DYNC2H1: variants seen among roughly 807,000 people sequenced by gnomAD.
The protein encoded by DYNC2H1 is dynein cytoplasmic 2 heavy chain 1.
A neutral mutation model predicts 570.0 loss-of-function variants in DYNC2H1; 410 were observed. That is an observed-to-expected ratio of 0.72 (90% CI 0.66 to 0.78). The LOEUF is 0.78. Among genes scored for constraint, DYNC2H1 ranks in the 30% least tolerant of loss-of-function variants. The pLI is 0.00. For synonymous variants in DYNC2H1, 1,688 were observed against 1,677.6 expected, an observed-to-expected ratio of 1.01 and a Z score of -0.15; for missense variants, 4,865 against 5,046.4, an observed-to-expected ratio of 0.96 and a Z score of 1.09.
intron 85 of DYNC2H1, among the ~76,000 whole-genome samples, chr11:103,451,324 CTTTTTTTTTTTTTT>C (rs34032894): frequency 9.9e-5 from 7 of 71,008 alleles, no homozygotes; most frequent in African/African-American, 4.0e-4. Context: ...AGTAAAAGGG[CTTTTTTTTTTTTTT>C]TTTTTTTTTT....
At chr11:103,263,314 C>T (rs543840657) in intron 70 of DYNC2H1, among the ~76,000 whole-genome samples, 1 of 152,180 alleles carries the variant, frequency 6.6e-6, no homozygotes, top group Non-Finnish European at 1.5e-5. Context: ...AGAAAATTAA[C>T]AAGGGTATTC....
At chr11:103,142,350 C>T (rs901767304) in intron 17 of DYNC2H1, among the ~76,000 whole-genome samples, 12 of 152,126 alleles carry the variant, frequency 7.9e-5, no homozygotes, top group East Asian at 1.9e-4. Flanking sequence ...TGGCCATCTT[C>T]GCTTTTTATT....
At chr11:103,200,747 T>C (rs1245400712) in intron 50 of DYNC2H1, among the ~76,000 whole-genome samples, 1 of 152,242 alleles carries the variant, frequency 6.6e-6, no homozygotes, top group African/African-American at 2.4e-5. Flanking sequence ...TTGCATTCAT[T>C]AACCTGGAAA....
Position 103,334,059 on chromosome 11 carries a change from A to G in DYNC2H1, c.12039+10069A>G, listed in dbSNP as rs1324899707. On this transcript the variant is annotated intron_variant, in intron 82 of 88. Transcript: ENST00000375735. This position sits in a 1 kb window ranked among gnomAD's most constrained non-coding sequence, Gnocchi z 4.3. Reference sequence around the variant, plus strand: ...AACACTTGCAGCATGTTGCCTGGAAAGAAATGGTGTAAAATTTGTTATTTT... The same window carrying G: ...AACACTTGCAGCATGTTGCCTGGAAGGAAATGGTGTAAAATTTGTTATTTT... Among the ~76,000 whole-genome samples the G allele has an allele frequency of 6.6e-6, 1 of 152,224 alleles. No homozygotes were observed. The highest frequency in any genetic ancestry group is 1.9e-4 in the East Asian group (1 of 5,206).
intron 59 of DYNC2H1, among the ~76,000 whole-genome samples, chr11:103,230,009 C>T (rs1224004890): frequency 2.0e-5 from 3 of 152,100 alleles, no homozygotes; most frequent in African/African-American, 4.8e-5. Context: ...TTAAACTCCA[C>T]CCAAACTAAC....
intron 83 of DYNC2H1, among the ~76,000 whole-genome samples, chr11:103,364,596 G>C (rs1166555545): frequency 7.1e-6 from 1 of 140,358 alleles, no homozygotes; most frequent in Non-Finnish European, 1.5e-5. Flanking sequence ...TTTAAATCTT[G>C]TTGTTTTTTT....
Position 103,205,055 on chromosome 11 carries a change from A to G in DYNC2H1, c.8454+91A>G, listed in dbSNP as rs1055905654. The G allele has an allele frequency of 3.5e-5, 41 of 1,178,090 alleles. No individual in the cohort carries two copies. The highest frequency in any genetic ancestry group is 4.6e-5 in the Non-Finnish European group (39 of 848,108). The allele number at this position is 1,178,090 out of a possible 1,614,324, so 73.0% of individuals were successfully genotyped here. On this transcript the variant is annotated intron_variant, in intron 52 of 88. Coordinates refer to ENST00000375735, the MANE Select transcript of DYNC2H1 (RefSeq NM_001377.3). This position sits in a 1 kb window ranked among gnomAD's most constrained non-coding sequence, Gnocchi z 4.5. ...ACTTCTCTTTGGTGTTGGTTATAAC[A>G]TCACCTTAATTATGGCACCAAACAT...
At chr11:103,435,117 G>C (rs1349249305) in intron 84 of DYNC2H1, among the ~76,000 whole-genome samples, 2 of 151,968 alleles carry the variant, frequency 1.3e-5, no homozygotes, top group Admixed American at 1.3e-4. Context: ...TAAAGTAAAG[G>C]GATTCGATGT....
intron 17 of DYNC2H1, among the ~76,000 whole-genome samples, chr11:103,143,052 T>G (rs1860042197): frequency 6.6e-6 from 1 of 152,224 alleles, no homozygotes; most frequent in African/African-American, 2.4e-5. Flanking sequence ...TTATATAATT[T>G]TCTTTAAAAG....
intron 84 of DYNC2H1, among the ~76,000 whole-genome samples, chr11:103,434,284 G>A (rs1943988682): frequency 1.3e-5 from 2 of 151,956 alleles, no homozygotes; most frequent in African/African-American, 4.8e-5. Flanking sequence ...CACTCCATTA[G>A]ACAAAAACCA....
chr11:103,441,718 T>G (rs1944274822), intron 85 of DYNC2H1, among the ~76,000 whole-genome samples: 2 of 152,204 alleles, frequency 1.3e-5, no homozygotes, highest in Non-Finnish European at 2.9e-5. Context: ...TTGAGATTTT[T>G]GGCTTCTATC....
At chr11:103,164,405 T>C (rs1861216315) in intron 30 of DYNC2H1, among the ~76,000 whole-genome samples, 1 of 152,218 alleles carries the variant, frequency 6.6e-6, no homozygotes, top group East Asian at 1.9e-4. Flanking sequence ...CATTTAATGC[T>C]AAGAAATATT....
Position 103,370,104 on chromosome 11 carries a change from C to T in DYNC2H1, c.12156+11745C>T, listed in dbSNP as rs1275818889. The stretch of plus-strand genomic sequence containing the variant: ...GAGCCCACTGCCCTGAAGGGTGAGT[C>T]CCAGGTCAGGCAGCATTCACTACAA... On this transcript the variant is annotated intron_variant, in intron 83 of 88. Coordinates refer to ENST00000375735, the MANE Select transcript of DYNC2H1 (RefSeq NM_001377.3). 2.0e-5 allele frequency among the ~76,000 whole-genome samples: 3 copies of T among 152,212 alleles called. No homozygotes were observed. The South Asian group carries it at 6.2e-4, about 32-fold the overall frequency.
rs754299271 is a variant in DYNC2H1 at position 103,304,673 on chromosome 11, T to C, written c.11335T>C (p.Leu3779=). The C allele has an allele frequency of 1.4e-5, 22 of 1,613,416 alleles. No homozygotes were observed. The highest frequency in any genetic ancestry group is 1.9e-5 in the Non-Finnish European group (22 of 1,179,518). ...TGCCCGCAATGGAGACTGGCTCTGTTTGAAGAACTTACATCTTGTGGTATC... is the reference window on the plus strand; with the variant it reads ...TGCCCGCAATGGAGACTGGCTCTGTCTGAAGAACTTACATCTTGTGGTATC... ...ECARNGDWLC[L]KNLHLVVSWL... Residue 3779 remains leucine (L), a synonymous_variant, in exon 77 of 89, where the codon TTG becomes CTG. Transcript: ENST00000375735.
chr11:103,184,798 G>T (rs1364942300), intron 40 of DYNC2H1, 98 bp from the exon 41 acceptor site: 1 of 1,279,924 alleles, frequency 7.8e-7, no homozygotes, highest in Non-Finnish European at 1.1e-6. Flanking sequence ...TTTAAAAATG[G>T]TTCTTGAAAA....
rs1944419797 is a variant in DYNC2H1, at chr11:103,446,200, G to C, written c.12457-8986G>C. 6.6e-6 allele frequency among the ~76,000 whole-genome samples: 1 copy of C among 152,100 alleles called. No homozygotes were observed. Among genetic ancestry groups the C allele is most frequent in the South Asian group, 2.1e-4 (1 of 4,832 alleles). ...GAGAAAGCTACTGGAATTGGAAATA[G>C]AAAATTAGCAATTATCAGCATATCA... is the stretch of plus-strand genomic sequence containing the variant. On this transcript the variant is annotated intron_variant, in intron 85 of 88. Transcript: ENST00000375735. The surrounding 1 kb of genome is among the most constrained non-coding windows in gnomAD (Gnocchi z 4.5).
In DYNC2H1 at chr11:103,299,340, A is replaced by G. The variant is rs1466308960; in HGVS notation, c.11096-3753A>G. Among the ~76,000 whole-genome samples the G allele has an allele frequency of 2.0e-5, 3 of 152,112 alleles. No individual in the cohort carries two copies. The highest frequency in any genetic ancestry group is 4.4e-5 in the Non-Finnish European group (3 of 67,994). On this transcript the variant is annotated intron_variant, in intron 75 of 88. Transcript: ENST00000375735. The surrounding 1 kb of genome is among the most constrained non-coding windows in gnomAD (Gnocchi z 4.5). ...TGTGCATTCATTTTCTGTTGCTGCT[A>G]GAAATTTATCAGGTTTAAACAATGC...
At chr11:103,123,098 G>A (rs1214662430) in intron 11 of DYNC2H1, 98 bp downstream of exon 11, 10 of 1,014,368 alleles carry the variant, frequency 9.9e-6, no homozygotes, top group African/African-American at 1.7e-5. Context: ...CTCCAAACTT[G>A]CTACTCCTCC....
rs1314853420 is a variant in DYNC2H1, at chr11:103,468,653, A to C, written c.12713A>C (p.Asp4238Ala). ...DGNQLSENQLDSPSVSSVLPC... is the reference protein window; with the variant it reads ...DGNQLSENQLASPSVSSVLPC... The stretch of plus-strand genomic sequence containing the variant: ...AATCAACTTTCTGAAAATCAGCTTG[A>C]TTCTCCCAGCGTGTCATCAGTGCTC... Residue 4238 changes from aspartate to alanine, a missense_variant, in exon 88 of 89, where the codon GAT becomes GCT. Physicochemically the swap from Asp to Ala is moderately radical, Grantham distance 126. Transcript: ENST00000375735. 1 of 1,613,670 alleles carries C rather than the reference A, an allele frequency of 6.2e-7. No individual in the cohort carries two copies. Among genetic ancestry groups the C allele is most frequent in the African/African-American group, 1.3e-5 (1 of 74,928 alleles).
Sources: gnomAD v4.1 joint callset for allele counts (sites outside exome capture counted in the v4.1 genomes callset) on GRCh38, gnomAD v4.1.1 for gene constraint, Gnocchi (gnomAD v3.1) non-coding constraint, MANE v1.5 for transcripts, NCBI Gene and HGNC (gene_info 2026-07-23, HGNC 2026-07-21) for gene names.